The following BCKDHB variants were observed in gnomAD, a reference collection of about 807,000 sequenced individuals.
The protein encoded by BCKDHB is branched chain keto acid dehydrogenase E1 subunit beta.
BCKDHB carries 41 observed loss-of-function variants against 48.5 expected under a neutral mutation model. The ratio of observed to expected loss-of-function variants is 0.85; its 90% CI spans 0.66 to 1.10. The LOEUF (loss-of-function observed/expected upper bound fraction) is 1.10, where lower values mean the gene tolerates loss of function less well. Ranked by LOEUF, BCKDHB falls within the 50% of genes least tolerant of loss-of-function variation. BCKDHB has a pLI of 0.00. For synonymous variants in BCKDHB, 201 were observed against 174.8 expected (o/e 1.15, Z -1.18); for missense variants, 496 against 494.2 (o/e 1.00, Z -0.03).
At chr6:80,305,285 G>T (rs1767803421) in intron 9 of BCKDHB, among the ~76,000 whole-genome samples, 1 of 151,578 alleles carries the variant, frequency 6.6e-6, no homozygotes, top group Admixed American at 6.6e-5. Context: ...GAAAAATTAT[G>T]ACTTAAAATA....
intron 5 of BCKDHB, 39 bp from the exon 6 acceptor site, chr6:80,171,243 T>G (rs752845915): frequency 2.3e-6 from 3 of 1,287,710 alleles, no homozygotes; most frequent in South Asian, 1.2e-5. Flanking sequence ...CTGGGATATA[T>G]TTTTACTAAA....
chr6:80,407,717 T>G, the BCKDHB span, among the ~76,000 whole-genome samples: 1 of 152,244 alleles, frequency 6.6e-6, no homozygotes, highest in Non-Finnish European at 1.5e-5. Flanking sequence ...ATCCTGAGAC[T>G]TTGCTGAAGT....
chr6:80,447,249 T>C, the BCKDHB span, among the ~76,000 whole-genome samples: 3 of 152,126 alleles, frequency 2.0e-5, no homozygotes, highest in South Asian at 6.2e-4. Flanking sequence ...TATTATATAC[T>C]GTTACTGTGA....
At chr6:80,320,627 A>C (rs1304113492) in intron 9 of BCKDHB, among the ~76,000 whole-genome samples, 1 of 152,208 alleles carries the variant, frequency 6.6e-6, no homozygotes, top group Non-Finnish European at 1.5e-5. Context: ...AATCAGTCCT[A>C]TTTTTACAAA....
chr6:80,408,337 A>C, the BCKDHB span, among the ~76,000 whole-genome samples: 2 of 152,108 alleles, frequency 1.3e-5, no homozygotes, highest in Admixed American at 6.6e-5. Flanking sequence ...TGTGTCTGCC[A>C]GGCTTTGGTA....
the BCKDHB span, among the ~76,000 whole-genome samples, chr6:80,363,970 G>A: frequency 6.6e-6 from 1 of 152,192 alleles, no homozygotes; most frequent in South Asian, 2.1e-4. Flanking sequence ...CCAAATCACG[G>A]TTATTTACTC....
intron 3 of BCKDHB, among the ~76,000 whole-genome samples, chr6:80,151,694 AG>A (rs2127754540): frequency 6.6e-6 from 1 of 152,152 alleles, no homozygotes; most frequent in East Asian, 1.9e-4. Flanking sequence ...TTGTTTACAA[AG>A]GGGAAAGCTC....
chr6:80,129,077 A>G (rs1770491472), intron 2 of BCKDHB, 84 bp from the exon 3 acceptor site: 2 of 1,053,578 alleles, frequency 1.9e-6, no homozygotes, highest in Non-Finnish European at 2.8e-6. Context: ...TTTAAAATGT[A>G]AACATTTAAA....
chr6:80,122,514 G>A (rs1770083549), intron 1 of BCKDHB, among the ~76,000 whole-genome samples: 1 of 152,210 alleles, frequency 6.6e-6, no homozygotes, highest in African/African-American at 2.4e-5. Flanking sequence ...AGAGTACAAA[G>A]TGAGGAATTT....
rs2127699088 is a variant in BCKDHB at position 80,106,819 on chromosome 6, C to G, written c.126C>G (p.Val42=). The change falls in exon 1 of 10, where the codon GTC becomes GTG. Residue 42 remains valine (V), a synonymous_variant. Transcript: ENST00000320393. ...ARGFLHPAAT[V]EDAAQRRQVA... ...GCTTTTTGCACCCCGCCGCGACTGT[C>G]GAGGATGCGGCCCAGAGGCGGCAGG... 2 of 1,609,414 alleles carry G rather than the reference C, an allele frequency of 1.2e-6. No individual in the cohort carries two copies. Among genetic ancestry groups the G allele is most frequent in the Non-Finnish European group, 1.7e-6 (2 of 1,178,458 alleles).
At chr6:80,243,172 G>C (rs1051850593) in intron 8 of BCKDHB, among the ~76,000 whole-genome samples, 1 of 152,146 alleles carries the variant, frequency 6.6e-6, no homozygotes, top group Non-Finnish European at 1.5e-5. Context: ...GTACCACCTG[G>C]TACTGAGACT....
At chr6:80,453,021 A>G in the BCKDHB span, 1 of 152,330 alleles carries the variant, frequency 6.6e-6, no homozygotes. Flanking sequence ...GAAAATCACT[A>G]TTATAATGCA....
chr6:80,397,822 T>C, the BCKDHB span, among the ~76,000 whole-genome samples: 6 of 152,146 alleles, frequency 3.9e-5, no homozygotes, highest in Non-Finnish European at 8.8e-5. Context: ...GAGTTTGCAG[T>C]GAGCTGAGAT....
the BCKDHB span, among the ~76,000 whole-genome samples, chr6:80,380,969 A>T: frequency 6.6e-6 from 1 of 151,980 alleles, no homozygotes; most frequent in Non-Finnish European, 1.5e-5. Flanking sequence ...TCTATAGAAG[A>T]TCATGTCATC....
At chr6:80,125,287 G>C (rs1020088506) in intron 1 of BCKDHB, among the ~76,000 whole-genome samples, 1 of 152,178 alleles carries the variant, frequency 6.6e-6, no homozygotes, top group Non-Finnish European at 1.5e-5. Context: ...ATTGAAAAGA[G>C]TTAGGAACTT....
At chr6:80,219,978 C>T (rs940050840) in intron 8 of BCKDHB, among the ~76,000 whole-genome samples, 19 of 152,062 alleles carry the variant, frequency 1.2e-4, no homozygotes, top group Non-Finnish European at 1.9e-4. Flanking sequence ...TGAAATATTA[C>T]AGGTGTGAAT....
chr6:80,307,375 C>A (rs1767934097), intron 9 of BCKDHB: 1 of 951,580 alleles, frequency 1.1e-6, no homozygotes, highest in East Asian at 1.2e-4. Context: ...TGTTTATATT[C>A]TTTTTTCCAT....
intron 9 of BCKDHB, among the ~76,000 whole-genome samples, chr6:80,313,838 A>G (rs1205361058): frequency 6.6e-6 from 1 of 151,436 alleles, no homozygotes; most frequent in Non-Finnish European, 1.5e-5. Flanking sequence ...GGTTCTTTTG[A>G]TGTTCTAGTT....
chr6:80,153,649 TTCC>T, intron 3 of BCKDHB, among the ~76,000 whole-genome samples: 1 of 152,310 alleles, frequency 6.6e-6, no homozygotes, highest in Non-Finnish European at 1.5e-5. Flanking sequence ...TCTTCTTATT[TTCC>T]TCAACACTAT....
Sources: gnomAD v4.1 joint callset for allele counts (sites outside exome capture counted in the v4.1 genomes callset) on GRCh38, gnomAD v4.1.1 for gene constraint, MANE v1.5 for transcripts, NCBI Gene and HGNC (gene_info 2026-07-23, HGNC 2026-07-21) for gene names.